Variants in BIRC6 observed in about 807,000 individuals in gnomAD.
BIRC6 encodes baculoviral IAP repeat containing 6, also known as dual E2 ubiquitin-conjugating enzyme/E3 ubiquitin-protein ligase BIRC6.
BIRC6 carries 98 observed loss-of-function variants against 503.3 expected under a neutral mutation model. That is an observed-to-expected ratio of 0.19 (90% CI 0.17 to 0.23). The LOEUF (loss-of-function observed/expected upper bound fraction) is 0.23, where lower values mean the gene tolerates loss of function less well. Ranked by LOEUF, BIRC6 falls within the 10% of genes least tolerant of loss-of-function variation. The pLI, the probability that BIRC6 is intolerant of heterozygous loss-of-function variation, is 1.00. For synonymous variants in BIRC6, 2,240 were observed against 2,078.7 expected (o/e 1.08, Z -2.11); for missense variants, 5,360 against 5,806.0 (o/e 0.92, Z 2.50).
chr2:32,574,719 A>G (rs1347407898), intron 65 of BIRC6: 1 of 219,602 alleles, frequency 4.6e-6, no homozygotes, highest in Non-Finnish European at 9.1e-6. Context: ...TAAGTGGACT[A>G]GTGCAGTTCA....
chr2:32,537,651 C>T (rs532805362), intron 61 of BIRC6, among the ~76,000 whole-genome samples: 3 of 152,096 alleles, frequency 2.0e-5, no homozygotes, highest in Non-Finnish European at 4.4e-5. Flanking sequence ...TAGTTAAAAG[C>T]TCTAGGCAAA....
Position 32,524,953 on chromosome 2 carries a change from G to T in BIRC6, c.11689G>T (p.Glu3897Ter). The T allele has an allele frequency of 6.5e-7, 1 of 1,545,760 alleles. No homozygotes were observed. The highest frequency in any genetic ancestry group is 1.3e-5 in the South Asian group (1 of 79,792). The change falls in exon 58 of 74, where the codon GAA (glutamate) becomes TAA (stop). Residue 3897 changes from glutamate (E) to a stop codon, truncating the protein, a stop_gained. Coordinates refer to ENST00000421745, the MANE Select transcript of BIRC6 (RefSeq NM_016252.4). LOFTEE classifies it high-confidence loss of function. ...AGATGACAAAGAAAAGAAAAACCAT[G>T]AAGAGAAAGAAAAAGTTAAAGCGGA... is the stretch of plus-strand genomic sequence containing the variant. ...QKDDKEKKNH[E>*]EKEKVKAENG...
intron 73 of BIRC6, among the ~76,000 whole-genome samples, chr2:32,612,720 G>A (rs1305543061): frequency 6.6e-6 from 1 of 152,192 alleles, no homozygotes; most frequent in Non-Finnish European, 1.5e-5. Flanking sequence ...TGGGCCATGA[G>A]TTGATAATGG....
chr2:32,417,605 A>G (rs895563327), intron 10 of BIRC6, among the ~76,000 whole-genome samples: 1 of 152,202 alleles, frequency 6.6e-6, no homozygotes, highest in Non-Finnish European at 1.5e-5. Context: ...AAGGCATGGC[A>G]GAGGAATTAG....
chr2:32,461,015 CTCT>C (rs2047850662), intron 23 of BIRC6, among the ~76,000 whole-genome samples: 1 of 58,838 alleles, frequency 1.7e-5, no homozygotes. Flanking sequence ...CTCTTCTCTT[CTCT>C]TCTCTTCTCT....
chr2:32,563,981 G>C (rs2059368008), intron 65 of BIRC6: 1 of 152,632 alleles, frequency 6.6e-6, no homozygotes, highest in South Asian at 2.1e-4. Flanking sequence ...GGGAGGCTAA[G>C]ACAGGAGAAT....
intron 3 of BIRC6, among the ~76,000 whole-genome samples, chr2:32,383,494 C>A (rs185246384): frequency 2.6e-5 from 4 of 152,306 alleles, no homozygotes; most frequent in African/African-American, 9.6e-5. Flanking sequence ...AACGACCCAT[C>A]TTCATTCTTG....
At chr2:32,374,367 T>G (rs1054185429) in intron 1 of BIRC6, among the ~76,000 whole-genome samples, 4 of 152,158 alleles carry the variant, frequency 2.6e-5, no homozygotes, top group Admixed American at 2.6e-4. Flanking sequence ...GGTGCAATCA[T>G]AGCTCACTGT....
intron 61 of BIRC6, among the ~76,000 whole-genome samples, chr2:32,538,590 C>T (rs753742434): frequency 2.0e-5 from 3 of 152,176 alleles, no homozygotes; most frequent in Non-Finnish European, 2.9e-5. Flanking sequence ...AAACACACTG[C>T]AAGGAAGATT....
chr2:32,495,207 A>G (rs1045857464), intron 45 of BIRC6, among the ~76,000 whole-genome samples: 2 of 152,186 alleles, frequency 1.3e-5, no homozygotes, highest in African/African-American at 4.8e-5. Context: ...ACATTTTCTA[A>G]AGGATTATTA....
intron 57 of BIRC6, chr2:32,522,675 A>G (rs988894229): frequency 3.3e-5 from 5 of 152,150 alleles, no homozygotes; most frequent in African/African-American, 1.2e-4. Context: ...CCTTATGAGT[A>G]CTCTGTTAGG....
intron 61 of BIRC6, among the ~76,000 whole-genome samples, chr2:32,535,150 C>CAAAAAAAAAAAAAA (rs1158856665): frequency 4.1e-4 from 3 of 7,274 alleles, no homozygotes; most frequent in African/African-American, 8.6e-4. Context: ...CCCAAAAAAG[C>CAAAAAAAAAAAAAA]AAAAAAAAAA....
intron 33 of BIRC6, 65 bp downstream of exon 33, chr2:32,473,304 C>T (rs1489114973): frequency 1.5e-6 from 2 of 1,323,144 alleles, no homozygotes; most frequent in Non-Finnish European, 2.1e-6. Context: ...TTGCATGAGA[C>T]AGATGTGCCA....
chr2:32,453,830 C>T lies in BIRC6; in HGVS notation c.4641C>T (p.Cys1547=). Reference sequence around the variant, plus strand: ...TAGGAAATGGAAAGGTCAGTAGTTGCACAGCTGCTGAGGGTAGTTTCACAT... The same window carrying T: ...TAGGAAATGGAAAGGTCAGTAGTTGTACAGCTGCTGAGGGTAGTTTCACAT... ...VLSGNGKVSS[C]TAAEGSFTSL... Residue 1547 remains cysteine, a synonymous_variant, in exon 23 of 74, where the codon TGC becomes TGT. Transcript: ENST00000421745. 3 of 1,613,598 alleles carry T rather than the reference C, an allele frequency of 1.9e-6. No homozygotes were observed. Among genetic ancestry groups the T allele is most frequent in the Non-Finnish European group, 2.5e-6 (3 of 1,179,654 alleles).
rs2052945745 is a variant in BIRC6, at chr2:32,499,890, A to G, written c.8812A>G (p.Arg2938Gly). The change falls in exon 46 of 74, where the codon AGG (arginine) becomes GGG (glycine). Residue 2938 changes from arginine (R) to glycine (G), a missense_variant. By Grantham distance (125) the Arg-to-Gly change is moderately radical. This residue lies in a region of BIRC6 where 2,299 missense variants were observed against 2,267.2 expected (regional missense o/e 1.01). Coordinates refer to ENST00000421745, the MANE Select transcript of BIRC6 (RefSeq NM_016252.4). ...AGTGCAGCTGCCTCTTTCAGGCAAT[A>G]GGGAATACAGTGCAAGAGTGTCTGT... ...ILVQLPLSGN[R>G]EYSARVSVTT... 2 of 1,614,042 alleles carry G rather than the reference A, an allele frequency of 1.2e-6. No homozygotes were observed. The highest frequency in any genetic ancestry group is 1.1e-5 in the South Asian group (1 of 91,090).
At chr2:32,607,243 T>C (rs1235231532) in intron 71 of BIRC6, among the ~76,000 whole-genome samples, 1 of 152,180 alleles carries the variant, frequency 6.6e-6, no homozygotes, top group East Asian at 1.9e-4. Flanking sequence ...TAAAAACAGA[T>C]GTGTAAGTAT....
Position 32,473,254 on chromosome 2 carries a change from A to G in BIRC6, c.6720+15A>G, listed in dbSNP as rs1407318308. The stretch of plus-strand genomic sequence containing the variant: ...ATCATAAACAGGTAATTGTCAATAT[A>G]TTTAAAAATTTTTAATGTTTGAGAA... On this transcript the variant is annotated intron_variant, in intron 33 of 73. Transcript: ENST00000421745. 7 of 1,509,306 alleles carry G rather than the reference A, an allele frequency of 4.6e-6. No homozygotes were observed. In the South Asian group the frequency reaches 9.0e-5, roughly 19 times the overall value. The allele number at this position is 1,509,306 out of a possible 1,614,324, so 93.5% of individuals were successfully genotyped here.
Position 32,505,049 on chromosome 2 carries a change from C to A in BIRC6, c.9544C>A (p.Leu3182Ile). 1.9e-6 allele frequency: 3 copies of A among 1,613,792 alleles called. No homozygotes were observed. The highest frequency in any genetic ancestry group is 2.5e-6 in the Non-Finnish European group (3 of 1,179,812). The change falls in exon 50 of 74, where the codon CTA (leucine) becomes ATA (isoleucine). Residue 3182 changes from leucine to isoleucine, a missense_variant. Leu to Ile is a conservative substitution (Grantham distance 5). This residue lies in a region of BIRC6 where 267 missense variants were observed against 287.6 expected (regional missense o/e 0.93). Transcript: ENST00000421745. The stretch of plus-strand genomic sequence containing the variant: ...TCCTACTGCCCAACCAGCTGAAGTG[C>A]TATTGCAGGCCACACCTCCTCACAG... The part of the protein sequence containing the change: ...SSPTAQPAEV[L>I]LQATPPHRRA...
intron 1 of BIRC6, among the ~76,000 whole-genome samples, chr2:32,374,082 G>A (rs561758731): frequency 8.5e-5 from 13 of 152,150 alleles, no homozygotes; most frequent in South Asian, 4.1e-4. Context: ...TGTTTAAAGC[G>A]TACAGAGTTT....
Sources: allele counts gnomAD v4.1 joint callset (sites outside exome capture counted in the v4.1 genomes callset), GRCh38; gene constraint gnomAD v4.1.1; regional missense constraint gnomAD v4.1.1; transcripts MANE v1.5; gene names NCBI Gene and HGNC (gene_info 2026-07-23, HGNC 2026-07-21).